Variants in DMD observed in about 807,000 individuals in gnomAD.
The protein encoded by DMD is mutant dystrophin.
In DMD, 63 loss-of-function variants were observed where a neutral mutation model predicts 330.1. The observed-to-expected ratio is 0.19, with a 90% CI of 0.16 to 0.24. The LOEUF (loss-of-function observed/expected upper bound fraction) is 0.24. Ranked by LOEUF, DMD falls within the 10% of genes least tolerant of loss-of-function variation. The pLI is 1.00. For synonymous variants in DMD, 1,223 were observed against 959.8 expected (o/e 1.27, Z -5.07); for missense variants, 3,344 against 2,684.1 (o/e 1.25, Z -5.43).
intron 8 of DMD, 77 bp downstream of exon 8, chrX:32,699,035 A>G (rs1330336169): frequency 1.2e-6 from 1 of 848,318 alleles, no homozygotes; most frequent in Admixed American, 2.2e-5. Flanking sequence ...AGTTATATAT[A>G]TATGTGCACG....
At chrX:33,057,554 A>T (rs2094532581) in intron 1 of DMD, among the ~76,000 whole-genome samples, 1 of 112,267 alleles carries the variant, frequency 8.9e-6, no homozygotes, top group Non-Finnish European at 1.9e-5. Context: ...AAACTAGGTG[A>T]AATAAAAATT....
intron 44 of DMD, among the ~76,000 whole-genome samples, chrX:31,981,549 G>A (rs1342338222): frequency 9.0e-6 from 1 of 111,160 alleles, no homozygotes; most frequent in Non-Finnish European, 1.9e-5. Context: ...TCGTGATAAT[G>A]GTAAAGACAA....
intron 7 of DMD, among the ~76,000 whole-genome samples, chrX:32,751,664 T>C (rs1304924530): frequency 8.9e-6 from 1 of 112,723 alleles, no homozygotes; most frequent in African/African-American, 3.2e-5. Context: ...GAACTGAATG[T>C]TAATCACCAA....
intron 1 of DMD, among the ~76,000 whole-genome samples, chrX:33,126,606 G>A (rs769722189): frequency 4.8e-4 from 54 of 111,864 alleles, no homozygotes; most frequent in Non-Finnish European, 9.2e-4. Flanking sequence ...GGGGCTTTGC[G>A]GAGAACAATC....
At chrX:32,801,478 T>A (rs1236178091) in intron 7 of DMD, among the ~76,000 whole-genome samples, 1 of 112,025 alleles carries the variant, frequency 8.9e-6, no homozygotes, top group Non-Finnish European at 1.9e-5. Context: ...TTCACTCTGA[T>A]GATAGTTTTC....
chrX:32,038,131 G>A (rs780956711), intron 44 of DMD, among the ~76,000 whole-genome samples: 2 of 111,837 alleles, frequency 1.8e-5, no homozygotes, highest in South Asian at 7.4e-4. Context: ...ACTGTAAATA[G>A]TCATTGCTCT....
intron 47 of DMD, among the ~76,000 whole-genome samples, chrX:31,891,167 A>G (rs963925894): frequency 8.1e-5 from 9 of 111,660 alleles, no homozygotes; most frequent in Admixed American, 1.9e-4. Flanking sequence ...TTTGAACACA[A>G]CATCGGGAAG....
chrX:32,145,854 ATTATT>A (rs1178907453), intron 44 of DMD, among the ~76,000 whole-genome samples: 4 of 112,078 alleles, frequency 3.6e-5, no homozygotes, highest in African/African-American at 1.3e-4. Flanking sequence ...TATTTTTCCT[ATTATT>A]TTATTTTACT....
chrX:33,075,325 T>C (rs933969087), intron 1 of DMD, among the ~76,000 whole-genome samples: 11 of 111,217 alleles, frequency 9.9e-5, no homozygotes, highest in Non-Finnish European at 1.7e-4. Context: ...CACATGCCTT[T>C]CCCCAAACCG....
intron 41 of DMD, among the ~76,000 whole-genome samples, chrX:32,314,016 T>C (rs746414785): frequency 9.0e-6 from 1 of 111,673 alleles, no homozygotes; most frequent in Admixed American, 9.5e-5. Flanking sequence ...CAAGCTACCA[T>C]TGACTTTCTT....
rs2147559704 is a variant in DMD, at chrX:32,386,448, C to T, written c.4536G>A (p.Leu1512=). The T allele has an allele frequency of 1.7e-6, 2 of 1,205,232 alleles. No homozygotes were observed. The highest frequency in any genetic ancestry group is 2.2e-6 in the Non-Finnish European group (2 of 890,444). ...LNHCVNLYKS[L]SEVKSEVEMV... ...TTTCCACTTCAGACTTCACTTCACT[C>T]AGACTTTTATACAAGTTCTAAGTTT... Residue 1512 remains leucine, a synonymous_variant, in exon 33 of 79, where the codon CTG becomes CTA. Transcript: ENST00000357033.
At chrX:31,721,649 TATATTAGTATTATTA>T in intron 52 of DMD, among the ~76,000 whole-genome samples, 1 of 97,623 alleles carries the variant, frequency 1.0e-5, no homozygotes, top group African/African-American at 3.7e-5. Context: ...TATTATTATA[TATATTAGTATTATTA>T]CCAATCTCTC....
intron 53 of DMD, among the ~76,000 whole-genome samples, chrX:31,669,966 ATTT>A (rs2081656224): frequency 9.1e-6 from 1 of 110,161 alleles, no homozygotes; most frequent in Non-Finnish European, 1.9e-5. Flanking sequence ...ATATTTTTCT[ATTT>A]TTTTATCTTT....
chrX:31,203,533 G>GT (rs1310034201), intron 67 of DMD, among the ~76,000 whole-genome samples: 21 of 58,331 alleles, frequency 3.6e-4, no homozygotes, highest in Non-Finnish European at 4.9e-4. Context: ...ACAAAGGACA[G>GT]TTTTAAAAAA....
intron 60 of DMD, among the ~76,000 whole-genome samples, chrX:31,360,113 G>A (rs1286537101): frequency 2.7e-5 from 3 of 110,524 alleles, no homozygotes; most frequent in African/African-American, 6.6e-5. Context: ...AACAGAAAAA[G>A]AGTTGAATAA....
chrX:31,433,999 A>C (rs1337511524), intron 60 of DMD, among the ~76,000 whole-genome samples: 1 of 111,854 alleles, frequency 8.9e-6, no homozygotes, highest in Non-Finnish European at 1.9e-5. Context: ...GCCAAATGTC[A>C]GTAGATGTGG....
intron 59 of DMD, among the ~76,000 whole-genome samples, chrX:31,457,985 T>C (rs1244318721): frequency 8.9e-6 from 1 of 111,889 alleles, no homozygotes; most frequent in African/African-American, 3.2e-5. Flanking sequence ...AGTTCCTAAA[T>C]GTAATTAATG....
At chrX:31,255,453 C>T (rs1336610810) in intron 63 of DMD, among the ~76,000 whole-genome samples, 3 of 111,296 alleles carry the variant, frequency 2.7e-5, no homozygotes, top group Non-Finnish European at 5.6e-5. Flanking sequence ...AATGTACCCT[C>T]TCAATAACAA....
chrX:31,962,685 A>C (rs1275563536), intron 45 of DMD, among the ~76,000 whole-genome samples: 2 of 112,264 alleles, frequency 1.8e-5, no homozygotes, highest in Non-Finnish European at 3.8e-5. Context: ...AATTTTTAAA[A>C]GTTGTCAATT....
Sources: allele counts gnomAD v4.1 joint callset (sites outside exome capture counted in the v4.1 genomes callset), GRCh38; gene constraint gnomAD v4.1.1; transcripts MANE v1.5; gene names NCBI Gene and HGNC (gene_info 2026-07-23, HGNC 2026-07-21).